NLGN1: variants seen among roughly 807,000 people sequenced by gnomAD.
The protein encoded by NLGN1 is neuroligin 1.
A neutral mutation model predicts 65.5 loss-of-function variants in NLGN1; 12 were observed. That is an observed-to-expected ratio of 0.18 (90% CI 0.12 to 0.30). The LOEUF is 0.30. NLGN1 is among the 10% of genes least tolerant of loss of function. NLGN1 has a pLI of 1.00. For synonymous variants in NLGN1, 350 were observed against 359.5 expected (o/e 0.97, Z 0.30); for missense variants, 750 against 1,007.1 (o/e 0.74, Z 3.46).
At chr3:173,966,365 A>G (rs1000378923) in intron 4 of NLGN1, among the ~76,000 whole-genome samples, 5 of 152,236 alleles carry the variant, frequency 3.3e-5, no homozygotes, top group African/African-American at 1.2e-4. Flanking sequence ...TTTTGATTTG[A>G]AATACTATTG....
intron 2 of NLGN1, among the ~76,000 whole-genome samples, chr3:173,545,654 T>C (rs1202151738): frequency 1.3e-5 from 2 of 152,188 alleles, no homozygotes; most frequent in African/African-American, 4.8e-5. Flanking sequence ...GTATGTTTAT[T>C]GCAGCACTGT....
chr3:173,948,603 C>G (rs1274989141), intron 4 of NLGN1, among the ~76,000 whole-genome samples: 1 of 152,072 alleles, frequency 6.6e-6, no homozygotes, highest in African/African-American at 2.4e-5. Context: ...GAGTCTAGGA[C>G]AAAGGAAGAG....
At chr3:173,453,306 C>T (rs756180561) in intron 2 of NLGN1, among the ~76,000 whole-genome samples, 13 of 151,148 alleles carry the variant, frequency 8.6e-5, no homozygotes, top group African/African-American at 1.7e-4. Flanking sequence ...GCCATGTTGC[C>T]GAGCTGGTCT....
intron 4 of NLGN1, among the ~76,000 whole-genome samples, chr3:174,184,168 CCA>C (rs1189589023): frequency 6.6e-6 from 1 of 151,608 alleles, no homozygotes; most frequent in African/African-American, 2.4e-5. Flanking sequence ...TGCAGTAAAA[CCA>C]ATGAAATATT....
intron 4 of NLGN1, among the ~76,000 whole-genome samples, chr3:173,904,849 T>G (rs932030136): frequency 1.6e-4 from 25 of 152,130 alleles, no homozygotes; most frequent in African/African-American, 6.0e-4. Context: ...TTCAGGCAGG[T>G]AAAGGAAAAG....
In NLGN1 at chr3:173,781,144, C is replaced by CA. The variant is rs769716428; in HGVS notation, c.494-26524dup. ...TGGGCTACAGAGCGAGACTCCGTCTCAAAAAAAAAAAAGTAAATATTGAAG... is the reference window on the plus strand; with the variant it reads ...TGGGCTACAGAGCGAGACTCCGTCTCAAAAAAAAAAAAAGTAAATATTGAAG... On this transcript the variant is annotated intron_variant, in intron 3 of 6. Coordinates refer to ENST00000457714, the Ensembl canonical transcript of NLGN1. Among the ~76,000 whole-genome samples, 59 of 80,384 alleles carry CA rather than the reference C, an allele frequency of 7.3e-4. 4 individuals are homozygous for CA. Among genetic ancestry groups the CA allele is most frequent in the Admixed American group, 2.1e-3 (14 of 6,600 alleles). 52.7% of individuals were successfully genotyped at this position (80,384 alleles called of 152,430 possible). A position where few individuals can be genotyped will look rare whatever the true frequency, so the allele number is the denominator to read the frequency against.
chr3:174,052,963 A>G (rs1337434672), intron 4 of NLGN1, among the ~76,000 whole-genome samples: 5 of 152,058 alleles, frequency 3.3e-5, no homozygotes, highest in Non-Finnish European at 5.9e-5. Context: ...TTTTACAACT[A>G]GCTAATTGCT....
chr3:174,161,446 G>T (rs1001536299), intron 4 of NLGN1, among the ~76,000 whole-genome samples: 4 of 151,816 alleles, frequency 2.6e-5, no homozygotes, highest in Non-Finnish European at 4.4e-5. Context: ...AAACACTAGG[G>T]TTTAGTTTAC....
intron 3 of NLGN1, among the ~76,000 whole-genome samples, chr3:173,622,534 C>T (rs370300580): frequency 2.6e-5 from 4 of 151,712 alleles, no homozygotes; most frequent in South Asian, 2.1e-4. Flanking sequence ...AATTGCTTTC[C>T]GATGCTGACC....
intron 4 of NLGN1, among the ~76,000 whole-genome samples, chr3:173,879,255 GA>G (rs909718096): frequency 6.8e-6 from 1 of 147,714 alleles, no homozygotes; most frequent in African/African-American, 2.6e-5. Context: ...AAGAAAGAAA[GA>G]AAAAAATGTT....
intron 2 of NLGN1, among the ~76,000 whole-genome samples, chr3:173,523,759 A>C (rs1735163061): frequency 6.6e-6 from 1 of 151,428 alleles, no homozygotes. Flanking sequence ...ATTACATATG[A>C]AATTTTTGAT....
intron 2 of NLGN1, among the ~76,000 whole-genome samples, chr3:173,502,467 A>G (rs1241088405): frequency 6.6e-6 from 1 of 152,126 alleles, no homozygotes. Context: ...AATATGAGCT[A>G]CTGTTCTGAT....
At chr3:173,459,325 G>A (rs1722992256) in intron 2 of NLGN1, among the ~76,000 whole-genome samples, 1 of 151,898 alleles carries the variant, frequency 6.6e-6, no homozygotes, top group African/African-American at 2.4e-5. Flanking sequence ...ACTTTGTTAG[G>A]GATTAAACAA....
At chr3:174,274,480 G>C (rs1750135251) in intron 4 of NLGN1, among the ~76,000 whole-genome samples, 1 of 151,162 alleles carries the variant, frequency 6.6e-6, no homozygotes, top group South Asian at 2.1e-4. Context: ...TTGCCATTCT[G>C]TCAGTTCAGA....
chr3:173,525,568 T>C lies in NLGN1; in HGVS notation c.-320-78711T>C, dbSNP rs559285635. Among the ~76,000 whole-genome samples the C allele has an allele frequency of 3.9e-5, 6 of 152,168 alleles. No individual in the cohort carries two copies. The East Asian group carries it at 1.2e-3, about 29-fold the overall frequency. On this transcript the variant is annotated intron_variant, in intron 2 of 6. Coordinates refer to ENST00000457714, the Ensembl canonical transcript of NLGN1. The stretch of plus-strand genomic sequence containing the variant: ...ACAAACTTTTTGTTTCATTGATCTT[T>C]TATATCTTTTTTAATTTTCAGTCTC...
intron 4 of NLGN1, among the ~76,000 whole-genome samples, chr3:174,260,440 G>A (rs1417161895): frequency 2.6e-5 from 4 of 151,854 alleles, no homozygotes; most frequent in African/African-American, 4.8e-5. Context: ...GGCCAGTGAC[G>A]ATGAGCATTT....
chr3:173,800,277 C>T lies in NLGN1; in HGVS notation c.494-7403C>T, dbSNP rs772188529. Reference sequence around the variant, plus strand: ...TCTTTTTTTTTTTTCCTCCATTTCTCCGTTCTCAATCCTAGGTCCCCTTAC... The same window carrying T: ...TCTTTTTTTTTTTTCCTCCATTTCTTCGTTCTCAATCCTAGGTCCCCTTAC... On this transcript the variant is annotated intron_variant, in intron 3 of 6. Coordinates refer to ENST00000457714, the Ensembl canonical transcript of NLGN1. 122 of 1,038,982 alleles carry T rather than the reference C, an allele frequency of 1.2e-4. 2 individuals are homozygous for T. Among genetic ancestry groups the T allele is most frequent in the South Asian group, 1.0e-3 (54 of 54,020 alleles). 64.4% of individuals were successfully genotyped at this position (1,038,982 alleles called of 1,614,324 possible). A position where few individuals can be genotyped will look rare whatever the true frequency, so the allele number is the denominator to read the frequency against.
intron 4 of NLGN1, among the ~76,000 whole-genome samples, chr3:174,208,946 C>A (rs1735930268): frequency 6.6e-6 from 1 of 152,032 alleles, no homozygotes; most frequent in Non-Finnish European, 1.5e-5. Flanking sequence ...TTTTTTTAGA[C>A]AGGGTCTGGT....
At chr3:173,812,667 A>G (rs764516458) in intron 4 of NLGN1, among the ~76,000 whole-genome samples, 65 of 151,110 alleles carry the variant, frequency 4.3e-4, no homozygotes, top group Non-Finnish European at 5.8e-4. Context: ...TGATCCTACA[A>G]CTGCACTCCA....
Sources: allele counts gnomAD v4.1 joint callset (sites outside exome capture counted in the v4.1 genomes callset), GRCh38; gene constraint gnomAD v4.1.1; transcripts MANE v1.5; gene names NCBI Gene and HGNC (gene_info 2026-07-23, HGNC 2026-07-21).